The following ADARB2 variants were observed in gnomAD, a reference collection of about 807,000 sequenced individuals.
ADARB2 encodes adenosine deaminase RNA specific B2 (inactive).
ADARB2 carries 25 observed loss-of-function variants against 62.2 expected under a neutral mutation model. The observed-to-expected ratio is 0.40, with a 90% CI of 0.29 to 0.56. The LOEUF is 0.56. ADARB2 is among the 20% of genes least tolerant of loss of function. The pLI is 0.43. For synonymous variants in ADARB2, 572 were observed against 500.8 expected, an observed-to-expected ratio of 1.14 and a Z score of -1.90; for missense variants, 1,071 against 1,077.4, an observed-to-expected ratio of 0.99 and a Z score of 0.08.
chr10:1,288,137 G>C (rs1831430157), intron 3 of ADARB2, among the ~76,000 whole-genome samples: 1 of 152,250 alleles, frequency 6.6e-6, no homozygotes, highest in African/African-American at 2.4e-5. Flanking sequence ...CCTGACTGCA[G>C]ACAGGCTCGG....
At chr10:1,271,188 C>G (rs545142829) in intron 3 of ADARB2, 119 bp from the exon 4 acceptor site, 2 of 719,108 alleles carry the variant, frequency 2.8e-6, no homozygotes, top group South Asian at 1.8e-5. Context: ...TGGGCCTGCT[C>G]TCCTCCCCTC....
At chr10:1,522,305 G>A (rs1832082496) in intron 1 of ADARB2, among the ~76,000 whole-genome samples, 1 of 152,142 alleles carries the variant, frequency 6.6e-6, no homozygotes, top group Admixed American at 6.5e-5. Context: ...TTGATCTCTG[G>A]CCTCACAAAC....
chr10:1,224,862 T>G (rs1416421557), intron 6 of ADARB2, among the ~76,000 whole-genome samples: 1 of 152,138 alleles, frequency 6.6e-6, no homozygotes, highest in Admixed American at 6.5e-5. Flanking sequence ...GGAGTAGGTG[T>G]GGTGTGGTGC....
chr10:1,532,474 TC>T (rs1490711456), intron 1 of ADARB2, among the ~76,000 whole-genome samples: 1 of 152,084 alleles, frequency 6.6e-6, no homozygotes, highest in Non-Finnish European at 1.5e-5. Context: ...CAGTGGCCCG[TC>T]CCTGTGTCCT....
intron 1 of ADARB2, among the ~76,000 whole-genome samples, chr10:1,537,241 G>T (rs1316746779): frequency 6.6e-6 from 1 of 152,198 alleles, no homozygotes; most frequent in Non-Finnish European, 1.5e-5. Context: ...TTAGAGAAAT[G>T]CAAATCAAAA....
At chr10:1,382,388 C>T (rs372303910) in intron 1 of ADARB2, among the ~76,000 whole-genome samples, 2 of 152,168 alleles carry the variant, frequency 1.3e-5, no homozygotes, top group South Asian at 2.1e-4. Context: ...CTGCAATCAC[C>T]GTGAAGGCAC....
chr10:1,598,978 G>C (rs1406155749), intron 1 of ADARB2, among the ~76,000 whole-genome samples: 1 of 152,228 alleles, frequency 6.6e-6, no homozygotes, highest in Non-Finnish European at 1.5e-5. Flanking sequence ...CGCAGCTGCC[G>C]GTGTGTGGTG....
intron 5 of ADARB2, among the ~76,000 whole-genome samples, chr10:1,234,276 G>A (rs763623838): frequency 3.3e-5 from 5 of 150,362 alleles, no homozygotes; most frequent in African/African-American, 1.2e-4. Context: ...GGTGTGAGCC[G>A]CTGCGCCTGG....
intron 1 of ADARB2, among the ~76,000 whole-genome samples, chr10:1,546,023 A>C (rs1832513974): frequency 6.6e-6 from 1 of 151,830 alleles, no homozygotes; most frequent in Non-Finnish European, 1.5e-5. Flanking sequence ...AAAAAAAAAG[A>C]AAGCACCAAG....
intron 5 of ADARB2, among the ~76,000 whole-genome samples, chr10:1,241,234 G>C (rs573095725): frequency 6.6e-6 from 1 of 152,080 alleles, no homozygotes; most frequent in African/African-American, 2.4e-5. Flanking sequence ...ACTCCAGCCT[G>C]GGCGACAGAG....
chr10:1,393,221 G>T lies in ADARB2; in HGVS notation c.101-14061C>A, dbSNP rs564838713. Among the ~76,000 whole-genome samples, 7 of 152,236 alleles carry T rather than the reference G, an allele frequency of 4.6e-5. No individual in the cohort carries two copies. In the South Asian group the frequency reaches 1.5e-3, roughly 32 times the overall value. The stretch of plus-strand genomic sequence containing the variant: ...GTTAAAATGTTTCTAGTATTTTTTA[G>T]TTTTAATTTTTGTGGGTACATAGTA... On this transcript the variant is annotated intron_variant, in intron 1 of 9. Coordinates refer to ENST00000381312, the MANE Select transcript of ADARB2 (RefSeq NM_018702.4).
Position 1,379,154 on chromosome 10 carries a change from A to G in ADARB2, c.107T>C (p.Val36Ala). The G allele has an allele frequency of 6.2e-7, 1 of 1,611,862 alleles. No homozygotes were observed. Among genetic ancestry groups the G allele is most frequent in the Non-Finnish European group, 8.5e-7 (1 of 1,178,026 alleles). The change falls in exon 2 of 10, where the codon GTA (valine) becomes GCA (alanine). Residue 36 changes from valine to alanine, a missense_variant. Transcript: ENST00000381312. The stretch of plus-strand genomic sequence containing the variant: ...AGCGAGGAAGGTTGACAATATGCTT[A>G]CTTTATCTGGAAAGAAAAGAACAGG... ...RRRRSKRKDK[V>A]SILSTFLAPF...
intron 1 of ADARB2, among the ~76,000 whole-genome samples, chr10:1,587,451 G>C (rs2132005161): frequency 1.3e-5 from 2 of 152,258 alleles, no homozygotes. Flanking sequence ...TCCTTCAGCA[G>C]GGTGTATGAT....
At chr10:1,184,836 C>A (rs1836728700) in intron 9 of ADARB2, 25 bp downstream of exon 9, 2 of 1,603,156 alleles carry the variant, frequency 1.2e-6, no homozygotes, top group African/African-American at 1.3e-5. Context: ...GGTCCAGTTT[C>A]CCTGCAAGGA....
At chr10:1,544,653 C>A (rs577463163) in intron 1 of ADARB2, among the ~76,000 whole-genome samples, 1 of 152,008 alleles carries the variant, frequency 6.6e-6, no homozygotes, top group Non-Finnish European at 1.5e-5. Flanking sequence ...CCTGCTCTTA[C>A]GTCTAGGAGG....
intron 1 of ADARB2, among the ~76,000 whole-genome samples, chr10:1,457,522 A>G (rs1176121477): frequency 6.6e-6 from 1 of 152,184 alleles, no homozygotes; most frequent in Non-Finnish European, 1.5e-5. Context: ...TCGGGAAATA[A>G]AATGGAATCT....
At chr10:1,381,959 G>A (rs902838703) in intron 1 of ADARB2, among the ~76,000 whole-genome samples, 1 of 152,110 alleles carries the variant, frequency 6.6e-6, no homozygotes, top group African/African-American at 2.4e-5. Context: ...AACATGTATT[G>A]CCCACTTGAA....
At chr10:1,649,465 C>T (rs1032869386) in intron 1 of ADARB2, among the ~76,000 whole-genome samples, 9 of 152,208 alleles carry the variant, frequency 5.9e-5, no homozygotes, top group African/African-American at 1.2e-4. Flanking sequence ...CCTATGATAA[C>T]GTCTCCCTTT....
At chr10:1,582,245 A>C (rs1456095076) in intron 1 of ADARB2, among the ~76,000 whole-genome samples, 1 of 152,166 alleles carries the variant, frequency 6.6e-6, no homozygotes, top group Non-Finnish European at 1.5e-5. Flanking sequence ...CTTCGGCAGC[A>C]GTGGGAAGTG....
Sources: gnomAD v4.1 joint callset for allele counts (sites outside exome capture counted in the v4.1 genomes callset) on GRCh38, gnomAD v4.1.1 for gene constraint, MANE v1.5 for transcripts, NCBI Gene and HGNC (gene_info 2026-07-23, HGNC 2026-07-21) for gene names.